The following CREM variants were observed in gnomAD, a reference collection of about 807,000 sequenced individuals.
CREM encodes the protein cAMP-responsive element modulator.
In CREM, 13 loss-of-function variants were observed where a neutral mutation model predicts 37.3. The ratio of observed to expected loss-of-function variants is 0.35; its 90% confidence interval spans 0.23 to 0.55. The LOEUF is 0.55. Ranked by LOEUF, CREM falls within the 20% of genes least tolerant of loss-of-function variation. The pLI, the probability that CREM is intolerant of heterozygous loss-of-function variation, is 0.88. For missense variants in CREM, 296 were observed against 362.3 expected, an observed-to-expected ratio of 0.82 and a Z score of 1.49; for synonymous variants, 124 against 120.2, an observed-to-expected ratio of 1.03 and a Z score of -0.21.
At chr10:35,190,991 AG>A (rs2133832991) in intron 6 of CREM, among the ~76,000 whole-genome samples, 1 of 152,274 alleles carries the variant, frequency 6.6e-6, no homozygotes, top group African/African-American at 2.4e-5. Flanking sequence ...GGAGAGCTGA[AG>A]TCTTCATAAT....
intron 1 of CREM, among the ~76,000 whole-genome samples, chr10:35,131,249 A>G (rs1255637084): frequency 6.6e-6 from 1 of 152,232 alleles, no homozygotes; most frequent in Non-Finnish European, 1.5e-5. Context: ...GTGAACGTTT[A>G]AGAGTGGAGC....
At chr10:35,183,465 A>G (rs2094436492) in intron 5 of CREM, among the ~76,000 whole-genome samples, 1 of 152,210 alleles carries the variant, frequency 6.6e-6, no homozygotes, top group African/African-American at 2.4e-5. Flanking sequence ...TTAAGGCACT[A>G]CTTAATGTAA....
chr10:35,189,183 TTTTG>T (rs982965640), intron 6 of CREM, among the ~76,000 whole-genome samples: 2 of 148,174 alleles, frequency 1.3e-5, no homozygotes, highest in African/African-American at 4.9e-5. Flanking sequence ...TTTTGTTTTT[TTTTG>T]TTTGTTTGTT....
At chr10:35,182,233 AACTT>A (rs1367576095) in intron 5 of CREM, among the ~76,000 whole-genome samples, 2 of 152,346 alleles carry the variant, frequency 1.3e-5, no homozygotes, top group East Asian at 1.9e-4. Context: ...TTATAGAACT[AACTT>A]AGCAGATATT....
chr10:35,132,371 G>A (rs2089588441), intron 1 of CREM, among the ~76,000 whole-genome samples: 1 of 152,132 alleles, frequency 6.6e-6, no homozygotes, highest in Non-Finnish European at 1.5e-5. Flanking sequence ...CCAAAAGCAG[G>A]CAGCATGTGG....
At chr10:35,185,552 A>G (rs2094523185) in intron 5 of CREM, among the ~76,000 whole-genome samples, 1 of 152,208 alleles carries the variant, frequency 6.6e-6, no homozygotes, top group African/African-American at 2.4e-5. Context: ...GTCTAGCCAC[A>G]AGGGGCCAAG....
rs540348834 is a variant in CREM, at chr10:35,151,786, A to G, written c.168+3295A>G. Among the ~76,000 whole-genome samples, 41 of 152,364 alleles carry G rather than the reference A, an allele frequency of 2.7e-4. No individual in the cohort carries two copies. The South Asian group carries it at 4.1e-3, about 15-fold the overall frequency. ...ACTTATGGATTATTTTAGTTAACTA[A>G]GAATTATCCTCCATGCCATGCATGG... On this transcript the variant is annotated intron_variant, in intron 3 of 7. Transcript: ENST00000685392.
At chr10:35,134,005 G>GA (rs1186168872) in intron 1 of CREM, among the ~76,000 whole-genome samples, 1 of 150,828 alleles carries the variant, frequency 6.6e-6, no homozygotes, top group African/African-American at 2.4e-5. Context: ...AGTTTTTCCA[G>GA]AAAAGTTACA....
intron 2 of CREM, 125 bp downstream of exon 2, chr10:35,138,004 T>A (rs909630132): frequency 1.8e-6 from 1 of 568,796 alleles, no homozygotes; most frequent in Non-Finnish European, 2.7e-6. Context: ...TTATAATATA[T>A]ACTCAAATTA....
chr10:35,163,842 A>G (rs1394114522), intron 3 of CREM, among the ~76,000 whole-genome samples: 1 of 151,818 alleles, frequency 6.6e-6, no homozygotes, highest in African/African-American at 2.4e-5. Context: ...AAAACAAACA[A>G]AAAAAAACAA....
chr10:35,131,083 A>T (rs1431662322), intron 1 of CREM, among the ~76,000 whole-genome samples: 1 of 152,210 alleles, frequency 6.6e-6, no homozygotes, highest in Non-Finnish European at 1.5e-5. Flanking sequence ...GTCAGGAAGG[A>T]TGCTTACCTC....
chr10:35,138,736 T>C (rs1276729140), intron 2 of CREM, among the ~76,000 whole-genome samples: 1 of 151,584 alleles, frequency 6.6e-6, no homozygotes, highest in Non-Finnish European at 1.5e-5. Context: ...AAAAAAATTT[T>C]TTTTAGGCCG....
intron 3 of CREM, chr10:35,176,082 C>A (rs1046105725): frequency 6.8e-7 from 1 of 1,480,068 alleles, no homozygotes; most frequent in African/African-American, 1.4e-5. Flanking sequence ...TATCATTTTT[C>A]TTTATGAAGT....
chr10:35,160,713 A>G (rs547683115), intron 3 of CREM, among the ~76,000 whole-genome samples: 39 of 152,384 alleles, frequency 2.6e-4, no homozygotes, highest in Non-Finnish European at 4.7e-4. Flanking sequence ...AGCTTAAAAC[A>G]CAAACATATT....
chr10:35,131,174 T>C (rs1438590080), intron 1 of CREM, among the ~76,000 whole-genome samples: 1 of 152,244 alleles, frequency 6.6e-6, no homozygotes, highest in South Asian at 2.1e-4. Flanking sequence ...GAAACATCTT[T>C]GTGCATGTTT....
chr10:35,154,675 A>G (rs2092789567), intron 3 of CREM: 1 of 152,202 alleles, frequency 6.6e-6, no homozygotes, highest in Non-Finnish European at 1.5e-5. Context: ...AGAATTATCT[A>G]TAAAAATGAA....
chr10:35,150,678 G>T (rs2092534120), intron 3 of CREM, among the ~76,000 whole-genome samples: 1 of 151,992 alleles, frequency 6.6e-6, no homozygotes, highest in African/African-American at 2.4e-5. Flanking sequence ...AAAACTAGGT[G>T]GTTATGGTGG....
At chr10:35,197,806 T>A (rs367649601) in intron 6 of CREM, among the ~76,000 whole-genome samples, 1 of 152,136 alleles carries the variant, frequency 6.6e-6, no homozygotes, top group Non-Finnish European at 1.5e-5. Flanking sequence ...GTTAAGGGAC[T>A]TTTTTGAAGG....
At position 35,167,736 on chromosome 10, in the gene CREM, A is replaced by G. The variant is rs559322022; in HGVS notation, c.169-11153A>G. 86 of 1,614,144 alleles carry G rather than the reference A, an allele frequency of 5.3e-5. No individual in the cohort carries two copies. The South Asian group carries it at 9.3e-4, about 18-fold the overall frequency. ...TGGGATTTTTGGTGGATGTGGTGGC[A>G]TCAGCATAATCTATGTTTCAGGCGT... is the stretch of plus-strand genomic sequence containing the variant. On this transcript the variant is annotated intron_variant, in intron 3 of 7. Coordinates refer to ENST00000685392, the MANE Select transcript of CREM (RefSeq NM_183011.2).
Sources: gnomAD v4.1 joint callset for allele counts (sites outside exome capture counted in the v4.1 genomes callset) on GRCh38, gnomAD v4.1.1 for gene constraint, MANE v1.5 for transcripts, NCBI Gene and HGNC (gene_info 2026-07-23, HGNC 2026-07-21) for gene names.